Variants in CNTN5 observed in about 807,000 individuals in gnomAD.
CNTN5 encodes the protein contactin 5, also known as contactin-5.
CNTN5 carries 77 observed loss-of-function variants against 129.1 expected under a neutral mutation model. The ratio of observed to expected loss-of-function variants is 0.60; its 90% CI spans 0.50 to 0.72. The LOEUF is 0.72. Among genes scored for constraint, CNTN5 ranks in the 30% least tolerant of loss-of-function variants. CNTN5 has a pLI of 0.00. For missense variants in CNTN5, 1,478 were observed against 1,328.8 expected (o/e 1.11, Z -1.75); for synonymous variants, 509 against 465.6 (o/e 1.09, Z -1.20).
intron 7 of CNTN5, among the ~76,000 whole-genome samples, chr11:99,954,748 G>T (rs1038177675): frequency 1.3e-5 from 2 of 152,176 alleles, no homozygotes; most frequent in East Asian, 3.9e-4. Context: ...TTTCATTTTT[G>T]GCACTGGCAG....
chr11:99,193,931 A>G lies in CNTN5; in HGVS notation c.-209-131415A>G, dbSNP rs374263235. Among the ~76,000 whole-genome samples the G allele has an allele frequency of 1.0e-3, 154 of 152,308 alleles. 3 individuals carry two copies. The highest frequency in any genetic ancestry group is 3.5e-3 in the African/African-American group (147 of 41,586). ...TATTCATAAGAGGTAAAGAAAACAG[A>G]TCATTCTCAAGAAAATGTTTTAAAT... On this transcript the variant is annotated intron_variant, in intron 1 of 24. Coordinates refer to ENST00000524871, the MANE Select transcript of CNTN5 (RefSeq NM_014361.4).
chr11:99,525,790 C>T (rs1343517315), intron 2 of CNTN5, among the ~76,000 whole-genome samples: 1 of 152,188 alleles, frequency 6.6e-6, no homozygotes, highest in African/African-American at 2.4e-5. Flanking sequence ...AACAAAATGA[C>T]TGACCTGGTA....
chr11:100,282,172 A>G (rs549728034), intron 18 of CNTN5, among the ~76,000 whole-genome samples: 6 of 152,250 alleles, frequency 3.9e-5, no homozygotes, highest in African/African-American at 1.4e-4. Context: ...GTGTCTGGCC[A>G]TTGAAGAGTT....
At chr11:99,225,488 T>TA (rs935681849) in intron 1 of CNTN5, among the ~76,000 whole-genome samples, 1 of 152,192 alleles carries the variant, frequency 6.6e-6, no homozygotes, top group African/African-American at 2.4e-5. Flanking sequence ...GGGCTTTGCT[T>TA]AATAATCCCT....
intron 16 of CNTN5, among the ~76,000 whole-genome samples, chr11:100,246,229 T>C (rs1464511486): frequency 6.6e-6 from 1 of 152,282 alleles, no homozygotes; most frequent in South Asian, 2.1e-4. Context: ...AAGTACTTTG[T>C]ACATACATCA....
At chr11:100,148,838 ATTGT>A (rs111242965) in intron 13 of CNTN5, among the ~76,000 whole-genome samples, 11 of 152,106 alleles carry the variant, frequency 7.2e-5, no homozygotes, top group South Asian at 2.1e-4. Flanking sequence ...TATTTATTTG[ATTGT>A]TTGGTAGTGC....
At chr11:99,134,326 G>A (rs965201061) in intron 1 of CNTN5, among the ~76,000 whole-genome samples, 2 of 152,072 alleles carry the variant, frequency 1.3e-5, no homozygotes, top group Non-Finnish European at 2.9e-5. Flanking sequence ...GTGATGGGTT[G>A]ACAGGTGCAG....
intron 2 of CNTN5, among the ~76,000 whole-genome samples, chr11:99,329,948 C>T (rs984542649): frequency 1.7e-4 from 25 of 144,106 alleles, no homozygotes; most frequent in African/African-American, 6.1e-4. Flanking sequence ...CACACACACA[C>T]ACACACACAA....
intron 1 of CNTN5, among the ~76,000 whole-genome samples, chr11:99,213,233 T>G (rs12288858): frequency 1.1e-5 from 1 of 87,192 alleles, no homozygotes; most frequent in Admixed American, 1.1e-4. Context: ...ATATATATAT[T>G]TTTTTCTATA....
At chr11:99,616,168 A>G (rs1436960988) in intron 3 of CNTN5, among the ~76,000 whole-genome samples, 2 of 152,192 alleles carry the variant, frequency 1.3e-5, no homozygotes, top group African/African-American at 4.8e-5. Flanking sequence ...TATCACCTCA[A>G]GAATCACTCT....
intron 9 of CNTN5, among the ~76,000 whole-genome samples, chr11:100,049,137 T>C (rs963579042): frequency 6.6e-6 from 1 of 152,144 alleles, no homozygotes; most frequent in Non-Finnish European, 1.5e-5. Context: ...AGAAATGTTT[T>C]TTTAAAATAT....
intron 15 of CNTN5, among the ~76,000 whole-genome samples, chr11:100,223,422 G>T (rs1436282086): frequency 6.6e-6 from 1 of 152,062 alleles, no homozygotes; most frequent in African/African-American, 2.4e-5. Flanking sequence ...AGTTCACAAT[G>T]ACTTTGCACC....
intron 13 of CNTN5, among the ~76,000 whole-genome samples, chr11:100,100,371 C>G (rs1397567745): frequency 6.6e-6 from 1 of 152,056 alleles, no homozygotes; most frequent in South Asian, 2.1e-4. Context: ...CTCTATACAC[C>G]CATTTATACT....
chr11:99,260,131 C>T (rs901835695), intron 1 of CNTN5, among the ~76,000 whole-genome samples: 1 of 151,692 alleles, frequency 6.6e-6, no homozygotes. Flanking sequence ...TCTAATGTGG[C>T]TATCTTTTTG....
intron 4 of CNTN5, among the ~76,000 whole-genome samples, chr11:99,843,639 A>G (rs1947586631): frequency 1.3e-5 from 2 of 152,190 alleles, no homozygotes; most frequent in Non-Finnish European, 2.9e-5. Flanking sequence ...TAGAGCACAT[A>G]TAACAATGTC....
chr11:99,713,926 A>T (rs1040695769), intron 3 of CNTN5, among the ~76,000 whole-genome samples: 2 of 151,988 alleles, frequency 1.3e-5, no homozygotes, highest in East Asian at 3.9e-4. Flanking sequence ...TAAGAGTCAG[A>T]TATTCTTAAT....
intron 2 of CNTN5, among the ~76,000 whole-genome samples, chr11:99,340,743 T>A (rs1052644945): frequency 2.0e-5 from 3 of 152,172 alleles, no homozygotes; most frequent in African/African-American, 7.2e-5. Context: ...CAACAATTAC[T>A]AATAGAAACA....
intron 3 of CNTN5, among the ~76,000 whole-genome samples, chr11:99,783,845 T>A (rs181096539): frequency 5.6e-4 from 85 of 151,618 alleles, no homozygotes; most frequent in African/African-American, 1.8e-3. Context: ...GGGGAGGGAT[T>A]GCATTGGGAG....
chr11:99,467,829 G>A (rs1945006101), intron 2 of CNTN5, among the ~76,000 whole-genome samples: 1 of 151,884 alleles, frequency 6.6e-6, no homozygotes, highest in South Asian at 2.1e-4. Context: ...CTATATTAAT[G>A]TGCTTATATC....
Sources: gnomAD v4.1 joint callset for allele counts (sites outside exome capture counted in the v4.1 genomes callset) on GRCh38, gnomAD v4.1.1 for gene constraint, MANE v1.5 for transcripts, NCBI Gene and HGNC (gene_info 2026-07-23, HGNC 2026-07-21) for gene names.